Variants in SLC25A27 observed in about 807,000 individuals in gnomAD.
SLC25A27 encodes mitochondrial uncoupling protein 4.
A neutral mutation model predicts 49.1 loss-of-function variants in SLC25A27; 35 were observed. That is an observed-to-expected ratio of 0.71 (90% CI 0.54 to 0.95). SLC25A27 has a LOEUF of 0.95. SLC25A27 is among the 40% of genes least tolerant of loss of function. The pLI is 0.00. For missense variants in SLC25A27, 339 were observed against 397.1 expected (o/e 0.85, Z 1.24); for synonymous variants, 144 against 136.9 (o/e 1.05, Z -0.36).
At chr6:46,669,559 A>G (rs1030344675) in intron 6 of SLC25A27, among the ~76,000 whole-genome samples, 2 of 152,194 alleles carry the variant, frequency 1.3e-5, no homozygotes, top group Non-Finnish European at 2.9e-5. Context: ...TGTCAAGTCA[A>G]ATATTTGGAG....
At chr6:46,662,304 G>C (rs1025329678) in intron 3 of SLC25A27, 72 bp from the exon 4 acceptor site, 3 of 1,356,210 alleles carry the variant, frequency 2.2e-6, no homozygotes, top group Middle Eastern at 1.9e-4. Flanking sequence ...CCCTGTACCA[G>C]CTCAGTATTG....
chr6:46,676,527 C>G lies in SLC25A27; in HGVS notation c.*73C>G, dbSNP rs1763796905. ...AATATGGGCATCTGCAACACATACC[C>G]CCTATTATTTCTACCTCTTTAGGAA... is the stretch of plus-strand genomic sequence containing the variant. On this transcript the variant is annotated 3_prime_UTR_variant, in exon 9 of 9. Transcript: ENST00000371347. 3.7e-6 allele frequency: 6 copies of G among 1,610,806 alleles called. No homozygotes were observed. Among genetic ancestry groups the G allele is most frequent in the Non-Finnish European group, 5.1e-6 (6 of 1,178,038 alleles).
Position 46,670,140 on chromosome 6 carries a change from G to A in SLC25A27, c.710G>A (p.Cys237Tyr). 6.2e-7 allele frequency: 1 copy of A among 1,607,878 alleles called. No individual in the cohort carries two copies. The highest frequency in any genetic ancestry group is 8.5e-7 in the Non-Finnish European group (1 of 1,175,652). The change falls in exon 7 of 9, where the codon TGT (cysteine) becomes TAT (tyrosine). Residue 237 changes from cysteine (C) to tyrosine (Y), a missense_variant. Transcript: ENST00000371347. ...TCATTTATTTGTATTTATAGTTTAT[G>A]TTCTGGACTGGTAGCTTCTATTCTG... is the stretch of plus-strand genomic sequence containing the variant. ...NIMTHGLSSL[C>Y]SGLVASILGT... is the part of the protein sequence containing the mutation.
In SLC25A27 at chr6:46,676,813, C is replaced by T; in HGVS notation, c.*359C>T. On this transcript the variant is annotated 3_prime_UTR_variant, in exon 9 of 9. Transcript: ENST00000371347. ...AGGAGGAGTACCAGGAGGGAGCCAGCATTTCAGATCTGAAGTAGACGATAG... is the reference window on the plus strand; with the variant it reads ...AGGAGGAGTACCAGGAGGGAGCCAGTATTTCAGATCTGAAGTAGACGATAG... 1 of 775,322 alleles carries T rather than the reference C, an allele frequency of 1.3e-6. No individual in the cohort carries two copies. Among genetic ancestry groups the T allele is most frequent in the Admixed American group, 2.3e-5 (1 of 43,972 alleles). 48.0% of individuals were successfully genotyped at this position (775,322 alleles called of 1,614,324 possible). A position where few individuals can be genotyped will look rare whatever the true frequency, so the allele number is the denominator to read the frequency against.
intron 7 of SLC25A27, among the ~76,000 whole-genome samples, chr6:46,670,742 A>T (rs1763498225): frequency 1.3e-5 from 2 of 152,024 alleles, no homozygotes; most frequent in South Asian, 2.1e-4. Context: ...TTATTTATTT[A>T]TTTATTTTTT....
At chr6:46,665,952 A>T (rs1166528819) in intron 5 of SLC25A27, among the ~76,000 whole-genome samples, 1 of 152,222 alleles carries the variant, frequency 6.6e-6, no homozygotes, top group African/African-American at 2.4e-5. Context: ...TTGGAATGTG[A>T]CTTAGAAGAT....
intron 1 of SLC25A27, among the ~76,000 whole-genome samples, chr6:46,654,851 A>T (rs1762920369): frequency 2.6e-5 from 4 of 152,204 alleles, no homozygotes; most frequent in Admixed American, 6.5e-5. Context: ...CCTTCCCCAC[A>T]TTGTTTTCTC....
chr6:46,670,883 G>A (rs866159606), intron 7 of SLC25A27, among the ~76,000 whole-genome samples: 4 of 151,996 alleles, frequency 2.6e-5, no homozygotes, highest in African/African-American at 7.3e-5. Context: ...GACTACAGGC[G>A]CCTGCCACCA....
Position 46,668,739 on chromosome 6 carries a change from A to G in SLC25A27, c.650A>G (p.Tyr217Cys). 6.2e-7 allele frequency: 1 copy of G among 1,608,902 alleles called. No individual in the cohort carries two copies. The change falls in exon 6 of 9, where the codon TAC (tyrosine) becomes TGC (cysteine). Residue 217 changes from tyrosine (Y) to cysteine (C), a missense_variant. Tyr to Cys is a radical substitution (Grantham distance 194, BLOSUM62 -2). Transcript: ENST00000371347. ...ACCACTTATGATACAGTGAAACACT[A>G]CTTGGTATTGAATACACCACTTGAG... is the stretch of plus-strand genomic sequence containing the variant. ...DLTTYDTVKH[Y>C]LVLNTPLEDN...
At position 46,676,480 on chromosome 6, in the gene SLC25A27, A is replaced by T; in HGVS notation, c.*26A>T. The T allele has an allele frequency of 6.2e-7, 1 of 1,613,708 alleles. No homozygotes were observed. The highest frequency in any genetic ancestry group is 8.5e-7 in the Non-Finnish European group (1 of 1,179,718). ...ACCCCTAAAGATGCAACCCTTAAAG[A>T]TACAGTGTTCAGTATTATTGAAATA... On this transcript the variant is annotated 3_prime_UTR_variant, in exon 9 of 9. Coordinates refer to ENST00000371347, the MANE Select transcript of SLC25A27 (RefSeq NM_004277.5).
chr6:46,669,597 C>T (rs1763448146), intron 6 of SLC25A27, among the ~76,000 whole-genome samples: 1 of 152,148 alleles, frequency 6.6e-6, no homozygotes, highest in Non-Finnish European at 1.5e-5. Context: ...CACGCGCATG[C>T]ACACACGCAT....
chr6:46,664,684 G>T, intron 4 of SLC25A27, 90 bp from the exon 5 acceptor site: 2 of 552,868 alleles, frequency 3.6e-6, no homozygotes, highest in Non-Finnish European at 3.1e-6. Context: ...ATTTACTCCA[G>T]ATTATAAGAG....
intron 8 of SLC25A27, among the ~76,000 whole-genome samples, chr6:46,671,944 ATAT>A (rs540307952): frequency 5.5e-4 from 83 of 151,730 alleles, no homozygotes; most frequent in South Asian, 2.5e-3. Context: ...TTAACACAAT[ATAT>A]TATAATACAA....
At position 46,670,918 on chromosome 6, in the gene SLC25A27, G is replaced by C. The variant is rs538386698; in HGVS notation, c.798-208G>C. Among the ~76,000 whole-genome samples the C allele has an allele frequency of 2.0e-5, 3 of 152,176 alleles. No homozygotes were observed. The South Asian group carries it at 6.2e-4, about 32-fold the overall frequency. ...ATGCCCGACTAATTTTTTTAGTAGAGATGGGGTTTCACCGTGTTAGCCAGG... is the reference window on the plus strand; with the variant it reads ...ATGCCCGACTAATTTTTTTAGTAGACATGGGGTTTCACCGTGTTAGCCAGG... On this transcript the variant is annotated intron_variant, in intron 7 of 8. Transcript: ENST00000371347.
rs573454410 is a variant in SLC25A27 at position 46,677,631 on chromosome 6, T to G, written c.*1177T>G. The stretch of plus-strand genomic sequence containing the variant: ...TTTAGAAAGGTAAGAGTTCTTCAAA[T>G]TCAGCTACATACCACCGGCTCTCCC... On this transcript the variant is annotated 3_prime_UTR_variant, in exon 9 of 9. Transcript: ENST00000371347. The G allele has an allele frequency of 6.6e-6, 1 of 152,356 alleles. No homozygotes were observed. Among genetic ancestry groups the G allele is most frequent in the Non-Finnish European group, 1.5e-5 (1 of 68,020 alleles). 9.4% of individuals were successfully genotyped at this position (152,356 alleles called of 1,614,324 possible).
chr6:46,658,432 T>G (rs1763057742), intron 2 of SLC25A27: 2 of 402,322 alleles, frequency 5.0e-6, no homozygotes, highest in African/African-American at 2.1e-5. Flanking sequence ...CAGCTAAGAT[T>G]CATTTCATAC....
In SLC25A27 at chr6:46,676,481, T is replaced by TA; in HGVS notation, c.*28dup. ...CCCCTAAAGATGCAACCCTTAAAGA[T>TA]ACAGTGTTCAGTATTATTGAAATAT... is the stretch of plus-strand genomic sequence containing the variant. On this transcript the variant is annotated 3_prime_UTR_variant, in exon 9 of 9. Transcript: ENST00000371347. The TA allele has an allele frequency of 6.2e-7, 1 of 1,613,604 alleles. No homozygotes were observed. Among genetic ancestry groups the TA allele is most frequent in the East Asian group, 2.2e-5 (1 of 44,872 alleles).
intron 1 of SLC25A27, among the ~76,000 whole-genome samples, chr6:46,655,441 A>G (rs1720261914): frequency 6.6e-6 from 1 of 151,916 alleles, no homozygotes; most frequent in Admixed American, 6.6e-5. Context: ...TTTCCCATTG[A>G]AAAGCAAAAA....
intron 5 of SLC25A27, among the ~76,000 whole-genome samples, chr6:46,665,515 C>G (rs1763293657): frequency 6.6e-6 from 1 of 152,070 alleles, no homozygotes; most frequent in Non-Finnish European, 1.5e-5. Context: ...GAAACCCCGT[C>G]TCTACTAAAA....
Sources: gnomAD v4.1 joint callset for allele counts (sites outside exome capture counted in the v4.1 genomes callset) on GRCh38, gnomAD v4.1.1 for gene constraint, MANE v1.5 for transcripts, NCBI Gene and HGNC (gene_info 2026-07-23, HGNC 2026-07-21) for gene names.